EFR3A: variants seen among roughly 807,000 people sequenced by gnomAD.
The protein encoded by EFR3A is EFR3 homolog A.
A neutral mutation model predicts 104.4 loss-of-function variants in EFR3A; 76 were observed. The ratio of observed to expected loss-of-function variants is 0.73; its 90% CI spans 0.60 to 0.88. The LOEUF (loss-of-function observed/expected upper bound fraction) is 0.88. EFR3A is among the 40% of genes least tolerant of loss of function. EFR3A has a pLI of 0.00. For missense variants in EFR3A, 985 were observed against 1,012.5 expected, an observed-to-expected ratio of 0.97 and a Z score of 0.37; for synonymous variants, 330 against 330.0, an observed-to-expected ratio of 1.00 and a Z score of 0.00.
chr8:131,992,891 G>C (rs923580302), intron 18 of EFR3A, among the ~76,000 whole-genome samples: 3 of 152,180 alleles, frequency 2.0e-5, no homozygotes, highest in South Asian at 2.1e-4. Context: ...GGCTTGGGAA[G>C]TTATGTGGTT....
intron 14 of EFR3A, among the ~76,000 whole-genome samples, chr8:131,980,768 A>G (rs149377265): frequency 1.1e-4 from 17 of 152,072 alleles, no homozygotes; most frequent in Non-Finnish European, 1.8e-4. Flanking sequence ...AACTCCTTCT[A>G]TCTGTCTGAA....
At chr8:131,995,311 T>C (rs1405225416) in intron 18 of EFR3A, among the ~76,000 whole-genome samples, 4 of 152,280 alleles carry the variant, frequency 2.6e-5, no homozygotes, top group East Asian at 3.9e-4. Flanking sequence ...TTTTTTCGAC[T>C]GTAATCATGA....
chr8:131,991,192 G>A (rs1186773070), intron 18 of EFR3A, among the ~76,000 whole-genome samples: 4 of 152,082 alleles, frequency 2.6e-5, no homozygotes, highest in Non-Finnish European at 4.4e-5. Flanking sequence ...CTGATAAACC[G>A]ATCAGATCTC....
intron 1 of EFR3A, among the ~76,000 whole-genome samples, chr8:131,914,140 TG>T (rs1260607656): frequency 4.6e-5 from 7 of 152,058 alleles, no homozygotes; most frequent in South Asian, 2.1e-4. Context: ...GCATCTACAG[TG>T]GGGGGGACAC....
At chr8:131,932,364 G>A (rs891663542) in intron 1 of EFR3A, among the ~76,000 whole-genome samples, 9 of 152,066 alleles carry the variant, frequency 5.9e-5, no homozygotes, top group African/African-American at 1.9e-4. Context: ...TTATGTTCAA[G>A]CATTGATATA....
intron 18 of EFR3A, among the ~76,000 whole-genome samples, chr8:131,995,631 A>T (rs753936107): frequency 6.6e-6 from 1 of 152,180 alleles, no homozygotes; most frequent in Non-Finnish European, 1.5e-5. Context: ...GATTTGGAAG[A>T]CCGTGGAATT....
intron 8 of EFR3A, among the ~76,000 whole-genome samples, chr8:131,965,454 G>A (rs1819650824): frequency 6.6e-6 from 1 of 152,210 alleles, no homozygotes; most frequent in Admixed American, 6.5e-5. Flanking sequence ...AAAGACACAT[G>A]AGATAATGCT....
Position 131,984,960 on chromosome 8 carries a change from C to G in EFR3A, c.1769C>G (p.Pro590Arg). 6.2e-7 allele frequency: 1 copy of G among 1,613,366 alleles called. No homozygotes were observed. The highest frequency in any genetic ancestry group is 8.5e-7 in the Non-Finnish European group (1 of 1,179,562). The change falls in exon 16 of 23, where the codon CCA (proline) becomes CGA (arginine). Residue 590 changes from proline to arginine, a missense_variant. Physicochemically the swap from Pro to Arg is moderately radical, Grantham distance 103. Transcript: ENST00000254624. ...GCAATTATCAATGAGGATAATTTGC[C>G]AATGTTCCATCGTTGTGGAATCATG... is the stretch of plus-strand genomic sequence containing the variant. ...DSAIINEDNL[P>R]MFHRCGIMAL...
rs916800341 is a variant in EFR3A at position 131,979,105 on chromosome 8, C to G, written c.1499+86C>G. 92 of 1,315,298 alleles carry G rather than the reference C, an allele frequency of 7.0e-5. No individual in the cohort carries two copies. In the East Asian group the frequency reaches 1.6e-3, roughly 23 times the overall value. The allele number at this position is 1,315,298 out of a possible 1,614,324, so 81.5% of individuals were successfully genotyped here. A position where few individuals can be genotyped will look rare whatever the true frequency, so the allele number is the denominator to read the frequency against. On this transcript the variant is annotated intron_variant, in intron 13 of 22. Transcript: ENST00000254624. The stretch of plus-strand genomic sequence containing the variant: ...TTTAAGTATTGTGATTTTTAAAAAT[C>G]TAGCATGTTCAGGTTTTATTAATCC...
intron 2 of EFR3A, 42 bp from the exon 3 acceptor site, chr8:131,944,703 A>T (rs770205932): frequency 6.7e-7 from 1 of 1,503,656 alleles, no homozygotes; most frequent in South Asian, 1.3e-5. Flanking sequence ...TATAATAAGC[A>T]TGAAAATATA....
chr8:131,980,259 T>C (rs1366699392), intron 14 of EFR3A, among the ~76,000 whole-genome samples: 1 of 152,114 alleles, frequency 6.6e-6, no homozygotes, highest in Admixed American at 6.6e-5. Context: ...CTTTAATGTT[T>C]CTGTCTTTAC....
At chr8:131,982,251 T>C (rs116095665) in intron 14 of EFR3A, among the ~76,000 whole-genome samples, 2,827 of 152,264 alleles carry the variant, frequency 0.019, 36 homozygotes, top group South Asian at 0.042. Flanking sequence ...TTTTTGTAAT[T>C]TGGGTGAAAG....
At chr8:131,987,463 TTG>T (rs1820943029) in intron 17 of EFR3A, 110 bp from the exon 18 acceptor site, 3 of 1,182,210 alleles carry the variant, frequency 2.5e-6, no homozygotes, top group African/African-American at 3.1e-5. Context: ...ACAGTTTACA[TTG>T]TGTTTATATT....
chr8:131,972,080 C>A (rs570006974), intron 10 of EFR3A, among the ~76,000 whole-genome samples: 1 of 152,184 alleles, frequency 6.6e-6, no homozygotes, highest in South Asian at 2.1e-4. Context: ...CAGGGGCCCC[C>A]TTTTCTACCT....
At chr8:131,989,580 T>C (rs2130772627) in intron 18 of EFR3A, among the ~76,000 whole-genome samples, 1 of 152,322 alleles carries the variant, frequency 6.6e-6, no homozygotes, top group East Asian at 1.9e-4. Context: ...TAATAAATTA[T>C]TTGATTTCAC....
intron 14 of EFR3A, among the ~76,000 whole-genome samples, chr8:131,980,985 AT>A (rs1236098134): frequency 6.6e-6 from 1 of 150,770 alleles, no homozygotes; most frequent in African/African-American, 2.4e-5. Flanking sequence ...AAATGAAAGA[AT>A]TTTCCTCTAG....
At position 132,011,241 on chromosome 8, in the gene EFR3A, G is replaced by A. The variant is rs998224340; in HGVS notation, c.*346G>A. The A allele has an allele frequency of 2.2e-5, 22 of 996,124 alleles. No individual in the cohort carries two copies. The highest frequency in any genetic ancestry group is 8.4e-6 in the Non-Finnish European group (7 of 836,452). 61.7% of individuals were successfully genotyped at this position (996,124 alleles called of 1,614,324 possible). A position where few individuals can be genotyped will look rare whatever the true frequency, so the allele number is the denominator to read the frequency against. ...AGTAAGCCTTCAGAGGATTGAAACT[G>A]TATAAATTGTTTATCTCTTAAACAT... is the stretch of plus-strand genomic sequence containing the variant. On this transcript the variant is annotated 3_prime_UTR_variant, in exon 23 of 23. Transcript: ENST00000254624.
intron 1 of EFR3A, among the ~76,000 whole-genome samples, chr8:131,933,132 T>C (rs1425688231): frequency 6.6e-6 from 1 of 152,170 alleles, no homozygotes; most frequent in Admixed American, 6.5e-5. Context: ...GTAGAAGACA[T>C]TAGCCAATCT....
At chr8:131,979,110 A>G in intron 13 of EFR3A, 91 bp downstream of exon 13, 1 of 1,300,216 alleles carries the variant, frequency 7.7e-7, no homozygotes, top group African/African-American at 1.5e-5. Context: ...AAAATCTAGC[A>G]TGTTCAGGTT....
Sources: allele counts gnomAD v4.1 joint callset (sites outside exome capture counted in the v4.1 genomes callset), GRCh38; gene constraint gnomAD v4.1.1; transcripts MANE v1.5; gene names NCBI Gene and HGNC (gene_info 2026-07-23, HGNC 2026-07-21).